The following NIN variants were observed in gnomAD, a reference collection of about 807,000 sequenced individuals.
NIN encodes the protein ninein.
NIN carries 137 observed loss-of-function variants against 257.6 expected under a neutral mutation model. The ratio of observed to expected loss-of-function variants is 0.53; its 90% CI spans 0.46 to 0.61. The LOEUF (loss-of-function observed/expected upper bound fraction) is 0.61. NIN is among the 20% of genes least tolerant of loss of function. The pLI is 0.00. For missense variants in NIN, 2,439 were observed against 2,501.2 expected (o/e 0.98, Z 0.53); for synonymous variants, 918 against 919.8 (o/e 1.00, Z 0.04).
intron 27 of NIN, among the ~76,000 whole-genome samples, 200 bp from the exon 28 acceptor site, chr14:50,735,817 A>G (rs537939967): frequency 6.6e-6 from 1 of 152,230 alleles, no homozygotes; most frequent in Non-Finnish European, 1.5e-5. Flanking sequence ...GTCCTCACAC[A>G]GAATAGATTC....
chr14:50,758,362 G>A lies in NIN; in HGVS notation c.2668C>T (p.Leu890=). 6.2e-7 allele frequency: 1 copy of A among 1,614,244 alleles called. No homozygotes were observed. Residue 890 remains leucine (L), a synonymous_variant, in exon 18 of 31, where the codon CTG becomes TTG. Transcript: ENST00000530997. The part of the protein sequence containing the change: ...LKREKTTSLV[L]TQEREMLEKT... ...TCCAGCATCTCTCTCTCCTGGGTCA[G>A]GACCAGAGAAGTTGTTTTCTCTCTC... is the stretch of plus-strand genomic sequence containing the variant.
At chr14:50,816,406 G>C (rs891544147) in intron 3 of NIN, among the ~76,000 whole-genome samples, 1 of 152,154 alleles carries the variant, frequency 6.6e-6, no homozygotes, top group Admixed American at 6.5e-5. Flanking sequence ...AGTGGAACTT[G>C]AATCCAGGAC....
chr14:50,737,894 A>C (rs1241976539), intron 27 of NIN, among the ~76,000 whole-genome samples: 1 of 152,068 alleles, frequency 6.6e-6, no homozygotes, highest in Non-Finnish European at 1.5e-5. Flanking sequence ...ATCTGCCTGC[A>C]TCGGCCTCCC....
chr14:50,751,562 ATAATTT>A (rs1169720176), intron 21 of NIN, among the ~76,000 whole-genome samples: 1 of 152,138 alleles, frequency 6.6e-6, no homozygotes, highest in Non-Finnish European at 1.5e-5. Flanking sequence ...GGCCATTTTA[ATAATTT>A]TATTTTATTA....
At position 50,723,432 on chromosome 14, in the gene NIN, T is replaced by C. The variant is rs375275698; in HGVS notation, c.*31A>G. ...GAAATGTTCATCTATTTCAGTAAAG[T>C]GCACAAATATGAGTGTACCCTTTGG... On this transcript the variant is annotated 3_prime_UTR_variant, in exon 31 of 31. Coordinates refer to ENST00000530997, the MANE Select transcript of NIN (RefSeq NM_020921.4). The C allele has an allele frequency of 6.3e-7, 1 of 1,579,934 alleles. No individual in the cohort carries two copies. Among genetic ancestry groups the C allele is most frequent in the Non-Finnish European group, 8.7e-7 (1 of 1,151,900 alleles).
chr14:50,823,245 C>T (rs368713903), intron 2 of NIN: 10 of 576,092 alleles, frequency 1.7e-5, no homozygotes, highest in African/African-American at 7.5e-5. Flanking sequence ...AAGATGCCTT[C>T]GCCATGATGC....
At chr14:50,730,429 A>G (rs2984277) in intron 28 of NIN, among the ~76,000 whole-genome samples, 16,867 of 152,166 alleles carry the variant, frequency 0.11, 1,725 homozygotes, top group African/African-American at 0.28. Flanking sequence ...GCAGTGAGGC[A>G]GGCCACCTCA....
At chr14:50,747,940 C>T (rs2041623420) in intron 22 of NIN, 52 bp downstream of exon 22, 2 of 1,195,454 alleles carry the variant, frequency 1.7e-6, no homozygotes, top group Admixed American at 1.7e-5. Flanking sequence ...CAACAGGAGC[C>T]CACCAGGTAC....
At chr14:50,818,114 G>A (rs946843587) in intron 3 of NIN, among the ~76,000 whole-genome samples, 1 of 151,746 alleles carries the variant, frequency 6.6e-6, no homozygotes, top group Admixed American at 6.6e-5. Context: ...ACGAGGTCAG[G>A]AGATCGAGAC....
intron 4 of NIN, among the ~76,000 whole-genome samples, chr14:50,803,073 G>C (rs894608552): frequency 6.6e-6 from 1 of 152,256 alleles, no homozygotes; most frequent in South Asian, 2.1e-4. Context: ...CACAGACCTC[G>C]CCGGGCGCAG....
At chr14:50,793,465 A>C (rs368017754) in intron 4 of NIN, among the ~76,000 whole-genome samples, 1 of 152,156 alleles carries the variant, frequency 6.6e-6, no homozygotes, top group African/African-American at 2.4e-5. Context: ...ACGTATATGA[A>C]ACCCGGCATC....
In NIN at chr14:50,758,453, T is replaced by C; in HGVS notation, c.2577A>G (p.Glu859=). The change falls in exon 18 of 31, where the codon GAA becomes GAG. Residue 859 remains glutamate (E), a synonymous_variant. Coordinates refer to ENST00000530997, the MANE Select transcript of NIN (RefSeq NM_020921.4). ...EQQREEKSQW[E]FEKDELTQEC... is the part of the protein sequence containing the mutation. ...CCTGGGTGAGCTCGTCCTTCTCAAA[T>C]TCCCACTGGGATTTCTCCTCACGCT... 6.2e-7 allele frequency: 1 copy of C among 1,614,122 alleles called. No homozygotes were observed. Among genetic ancestry groups the C allele is most frequent in the Non-Finnish European group, 8.5e-7 (1 of 1,179,998 alleles).
At chr14:50,796,717 G>A (rs2043855483) in intron 4 of NIN, among the ~76,000 whole-genome samples, 1 of 152,158 alleles carries the variant, frequency 6.6e-6, no homozygotes, top group African/African-American at 2.4e-5. Context: ...CTGCAGCCAG[G>A]GGAAATAACA....
intron 20 of NIN, among the ~76,000 whole-genome samples, chr14:50,752,971 G>A (rs927310193): frequency 1.3e-5 from 2 of 152,204 alleles, no homozygotes; most frequent in Non-Finnish European, 2.9e-5. Context: ...ATTGTCCACA[G>A]CTGGATATGT....
At chr14:50,797,934 T>TGAG (rs1239844369) in intron 4 of NIN, among the ~76,000 whole-genome samples, 6 of 144,626 alleles carry the variant, frequency 4.1e-5, no homozygotes, top group Admixed American at 3.5e-4. Context: ...AGTGGGAGAC[T>TGAG]GAGGAGGAGG....
At chr14:50,803,074 C>T (rs1010498760) in intron 4 of NIN, among the ~76,000 whole-genome samples, 1 of 152,216 alleles carries the variant, frequency 6.6e-6, no homozygotes, top group African/African-American at 2.4e-5. Flanking sequence ...ACAGACCTCG[C>T]CGGGCGCAGT....
At chr14:50,755,289 A>G (rs1051580509) in intron 18 of NIN, among the ~76,000 whole-genome samples, 1 of 152,170 alleles carries the variant, frequency 6.6e-6, no homozygotes, top group African/African-American at 2.4e-5. Flanking sequence ...GGGAAAGAAA[A>G]TTCTCTATTG....
chr14:50,727,784 C>A, intron 29 of NIN: 1 of 1,416,170 alleles, frequency 7.1e-7, no homozygotes. Context: ...ACACTTCACC[C>A]TCATGTCAGG....
chr14:50,727,773 T>C (rs758801560), intron 29 of NIN: 16 of 1,418,280 alleles, frequency 1.1e-5, no homozygotes, highest in Admixed American at 9.3e-5. Context: ...AGGCAAGTAG[T>C]ACACTTCACC....
Sources: gnomAD v4.1 joint callset for allele counts (sites outside exome capture counted in the v4.1 genomes callset) on GRCh38, gnomAD v4.1.1 for gene constraint, MANE v1.5 for transcripts, NCBI Gene and HGNC (gene_info 2026-07-23, HGNC 2026-07-21) for gene names.